The following ABLIM1 variants were observed in gnomAD, a reference collection of about 807,000 sequenced individuals.
ABLIM1 encodes the protein actin-binding LIM protein 1.
In ABLIM1, 40 loss-of-function variants were observed where a neutral mutation model predicts 107.0. The observed-to-expected ratio is 0.37, with a 90% CI of 0.29 to 0.49. The LOEUF is 0.49. ABLIM1 is among the 20% of genes least tolerant of loss of function. The pLI, the probability that ABLIM1 is intolerant of heterozygous loss-of-function variation, is 0.97. For missense variants in ABLIM1, 857 were observed against 1,008.5 expected (o/e 0.85, Z 2.04); for synonymous variants, 357 against 357.3 (o/e 1.00, Z 0.01).
chr10:114,665,114 C>T (rs1050964706), intron 1 of ABLIM1, among the ~76,000 whole-genome samples: 1 of 75,668 alleles, frequency 1.3e-5, no homozygotes, highest in African/African-American at 5.8e-5. Flanking sequence ...GAGACTCCGT[C>T]TCAAAAAAAA....
At chr10:114,542,824 C>A (rs2066870248) in intron 6 of ABLIM1, among the ~76,000 whole-genome samples, 1 of 152,190 alleles carries the variant, frequency 6.6e-6, no homozygotes. Flanking sequence ...CTGTGCATCA[C>A]ACTCTGAGCG....
At chr10:114,632,264 T>C in intron 1 of ABLIM1, 1 of 985,422 alleles carries the variant, frequency 1.0e-6, no homozygotes, top group Non-Finnish European at 1.2e-6. Flanking sequence ...TGACACCACC[T>C]TGTATTCCTC....
rs769073285 is a variant in ABLIM1, at chr10:114,473,058, A to G, written c.1194T>C (p.Ile398=). 1 of 1,613,678 alleles carries G rather than the reference A, an allele frequency of 6.2e-7. No individual in the cohort carries two copies. Among genetic ancestry groups the G allele is most frequent in the East Asian group, 2.2e-5 (1 of 44,868 alleles). ...AIPKVKAIYD[I]ERPDLITYEP... is the part of the protein sequence containing the mutation. ...CATAGGTAATAAGATCTGGACGTTC[A>G]ATGTCATAAATTGCCTTGACCTTCG... Residue 398 remains isoleucine, a synonymous_variant, in exon 10 of 23, where the codon ATT becomes ATC. Transcript: ENST00000533213.
chr10:114,494,593 A>G (rs1360130607), intron 6 of ABLIM1, among the ~76,000 whole-genome samples: 1 of 152,204 alleles, frequency 6.6e-6, no homozygotes, highest in African/African-American at 2.4e-5. Flanking sequence ...AACAACCCCA[A>G]TAAAGAAGTA....
Position 114,441,777 on chromosome 10 carries a change from A to G in ABLIM1, c.1943T>C (p.Ile648Thr). The G allele has an allele frequency of 1.2e-6, 2 of 1,613,904 alleles. No individual in the cohort carries two copies. Among genetic ancestry groups the G allele is most frequent in the Non-Finnish European group, 1.7e-6 (2 of 1,179,756 alleles). Residue 648 changes from isoleucine (I) to threonine (T), a missense_variant, in exon 18 of 23, where the codon ATT becomes ACT. Around this residue, in one of 5 missense-constraint regions of ABLIM1, gnomAD observed 193 missense variants for 208.5 expected, o/e 0.93. Transcript: ENST00000533213. ...YDSPINSASH[I>T]PSSKTASLPG... Reference sequence around the variant, plus strand: ...GAGAGATGCAGTTTTAGATGATGGAATATGTGAAGCTGAGTAAGAAAAAAG... The same window carrying G: ...GAGAGATGCAGTTTTAGATGATGGAGTATGTGAAGCTGAGTAAGAAAAAAG...
At chr10:114,656,159 A>G (rs2079504652) in intron 1 of ABLIM1, among the ~76,000 whole-genome samples, 1 of 150,514 alleles carries the variant, frequency 6.6e-6, no homozygotes, top group African/African-American at 2.4e-5. Context: ...AATCCAAACT[A>G]CTTGGGAGGC....
chr10:114,569,099 A>T (rs1415684957), intron 4 of ABLIM1, among the ~76,000 whole-genome samples: 2 of 152,138 alleles, frequency 1.3e-5, no homozygotes, highest in Non-Finnish European at 2.9e-5. Flanking sequence ...ACCAGGAGCC[A>T]AAAGACGTGC....
rs1473920135 is a variant in ABLIM1 at position 114,547,514 on chromosome 10, A to G, written c.800+136T>C. 2.5e-6 allele frequency: 3 copies of G among 1,197,940 alleles called. 1 individual carries two copies. Among genetic ancestry groups the G allele is most frequent in the Non-Finnish European group, 2.3e-6 (2 of 872,656 alleles). The allele number at this position is 1,197,940 out of a possible 1,614,324, so 74.2% of individuals were successfully genotyped here. A position where few individuals can be genotyped will look rare whatever the true frequency, so the allele number is the denominator to read the frequency against. On this transcript the variant is annotated intron_variant, in intron 5 of 22. Transcript: ENST00000533213. ...AATTCTTTTCAAAAGTTTTATAGCA[A>G]CAAGTTCATTATGATGGCAGGATGT...
At chr10:114,685,611 G>A (rs1254588135), upstream of ABLIM1, among the ~76,000 whole-genome samples, 1 of 152,216 alleles carries the variant, frequency 6.6e-6, no homozygotes, top group South Asian at 2.1e-4. Flanking sequence ...CTCTGATAAC[G>A]TCCTCCTGAC....
chr10:114,559,032 C>T (rs1388679686), intron 4 of ABLIM1, among the ~76,000 whole-genome samples: 2 of 151,860 alleles, frequency 1.3e-5, no homozygotes, highest in African/African-American at 2.4e-5. Context: ...TTCAAAATGA[C>T]CAGGTAACAA....
chr10:114,566,074 C>T (rs930725504), intron 4 of ABLIM1, among the ~76,000 whole-genome samples: 3 of 152,122 alleles, frequency 2.0e-5, no homozygotes, highest in African/African-American at 4.8e-5. Context: ...GGATTAGAGG[C>T]GTGAGCCACC....
the ABLIM1 span, among the ~76,000 whole-genome samples, chr10:114,794,632 A>C: frequency 6.6e-6 from 1 of 152,216 alleles, no homozygotes; most frequent in African/African-American, 2.4e-5. Flanking sequence ...TTAATGCTGA[A>C]ATTTTGTAAA....
intron 1 of ABLIM1, among the ~76,000 whole-genome samples, chr10:114,680,857 A>G (rs756125947): frequency 2.2e-4 from 34 of 152,236 alleles, no homozygotes; most frequent in Admixed American, 4.6e-4. Context: ...TATTCTGAAC[A>G]GTCCCTAGCA....
At chr10:114,760,577 G>C (rs1015257576) in intron 1 of ABLIM1, among the ~76,000 whole-genome samples, 1 of 152,118 alleles carries the variant, frequency 6.6e-6, no homozygotes, top group Non-Finnish European at 1.5e-5. Flanking sequence ...TTAAATAATG[G>C]AGATAAAATA....
At chr10:114,455,507 G>A (rs2062648772) in intron 12 of ABLIM1, among the ~76,000 whole-genome samples, 1 of 152,200 alleles carries the variant, frequency 6.6e-6, no homozygotes, top group Admixed American at 6.5e-5. Flanking sequence ...GAGGAAAACA[G>A]GGGAAGGAAG....
chr10:114,529,595 G>A (rs1174278340), intron 6 of ABLIM1, among the ~76,000 whole-genome samples: 2 of 152,162 alleles, frequency 1.3e-5, no homozygotes, highest in African/African-American at 2.4e-5. Context: ...AGTGAAGAAC[G>A]CCGTGTGGAG....
chr10:114,773,923 G>A, the ABLIM1 span, among the ~76,000 whole-genome samples: 1 of 150,474 alleles, frequency 6.6e-6, no homozygotes, highest in African/African-American at 2.4e-5. Flanking sequence ...TGAGATAGAA[G>A]CAAGAATGAG....
the ABLIM1 span, among the ~76,000 whole-genome samples, chr10:114,774,488 A>G: frequency 8.5e-5 from 13 of 152,216 alleles, no homozygotes; most frequent in African/African-American, 2.9e-4. Context: ...AGAAAGAGCT[A>G]CAGGAATCTA....
At chr10:114,658,366 G>A (rs1000286656), upstream of ABLIM1, 25 of 1,317,818 alleles carry the variant, frequency 1.9e-5, no homozygotes, top group Non-Finnish European at 2.3e-5. Flanking sequence ...CAAGAGCTTA[G>A]GGCACCATAT....
Sources: gnomAD v4.1 joint callset for allele counts (sites outside exome capture counted in the v4.1 genomes callset) on GRCh38, gnomAD v4.1.1 for gene constraint, gnomAD v4.1.1 regional missense constraint, MANE v1.5 for transcripts, NCBI Gene and HGNC (gene_info 2026-07-23, HGNC 2026-07-21) for gene names.